Variants in SLIT2 observed in about 807,000 individuals in gnomAD.
SLIT2 encodes slit homolog 2 protein.
SLIT2 carries 41 observed loss-of-function variants against 185.7 expected under a neutral mutation model. That is an observed-to-expected ratio of 0.22 (90% CI 0.17 to 0.29). The LOEUF is 0.29. SLIT2 is among the 10% of genes least tolerant of loss of function. The pLI is 1.00. For missense variants in SLIT2, 1,571 were observed against 1,909.0 expected, an observed-to-expected ratio of 0.82 and a Z score of 3.30; for synonymous variants, 693 against 680.2, an observed-to-expected ratio of 1.02 and a Z score of -0.29.
chr4:20,333,340 T>C (rs1367340068), intron 4 of SLIT2, among the ~76,000 whole-genome samples: 2 of 152,166 alleles, frequency 1.3e-5, no homozygotes, highest in East Asian at 3.8e-4. Flanking sequence ...TTGGGTGAAA[T>C]AAATCTCAAG....
At position 20,334,838 on chromosome 4, in the gene SLIT2, A is replaced by C. The variant is rs568618818; in HGVS notation, c.395+65957A>C. Among the ~76,000 whole-genome samples, 54 of 152,326 alleles carry C rather than the reference A, an allele frequency of 3.5e-4. No homozygotes were observed. The South Asian group carries it at 0.011, about 30-fold the overall frequency. On this transcript the variant is annotated intron_variant, in intron 4 of 36. Coordinates refer to ENST00000504154, the MANE Select transcript of SLIT2 (RefSeq NM_004787.4). Reference sequence around the variant, plus strand: ...CCTCAGTTTCCTCATGTGTAAAATTAGGATGATAAAACCTCATAGAATAGA... The same window carrying C: ...CCTCAGTTTCCTCATGTGTAAAATTCGGATGATAAAACCTCATAGAATAGA...
intron 9 of SLIT2, among the ~76,000 whole-genome samples, chr4:20,502,386 A>G (rs1294958130): frequency 6.6e-6 from 1 of 152,198 alleles, no homozygotes; most frequent in African/African-American, 2.4e-5. Context: ...CTACATACTC[A>G]ACAAAGATTT....
At chr4:20,467,993 A>G (rs941641069) in intron 5 of SLIT2, among the ~76,000 whole-genome samples, 170 bp downstream of exon 5, 6 of 152,228 alleles carry the variant, frequency 3.9e-5, no homozygotes, top group South Asian at 2.1e-4. Context: ...AAGCTGTTTG[A>G]CGAGATGCTC....
At chr4:20,256,565 A>G (rs564861388) in intron 1 of SLIT2, 107 bp from the exon 2 acceptor site, 2 of 614,610 alleles carry the variant, frequency 3.3e-6, no homozygotes, top group Admixed American at 3.0e-5. Context: ...TTTGTATACT[A>G]CTTTAGTAAT....
At chr4:20,576,821 T>G (rs1726120549) in intron 29 of SLIT2, among the ~76,000 whole-genome samples, 1 of 152,226 alleles carries the variant, frequency 6.6e-6, no homozygotes, top group East Asian at 1.9e-4. Flanking sequence ...GCAAGTCTTA[T>G]TCAATCTAAT....
chr4:20,590,184 C>T (rs1247318151), intron 30 of SLIT2, among the ~76,000 whole-genome samples: 2 of 152,094 alleles, frequency 1.3e-5, no homozygotes, highest in Non-Finnish European at 2.9e-5. Context: ...GGATTACAGG[C>T]GTGAGCCACC....
At chr4:20,540,269 C>T (rs1006529238) in intron 19 of SLIT2, among the ~76,000 whole-genome samples, 2 of 148,388 alleles carry the variant, frequency 1.3e-5, no homozygotes, top group Non-Finnish European at 1.5e-5. Flanking sequence ...GCCTGTATGA[C>T]AGAGCGAGAC....
At chr4:20,431,517 C>T (rs116472127) in intron 4 of SLIT2, among the ~76,000 whole-genome samples, 143 of 152,228 alleles carry the variant, frequency 9.4e-4, no homozygotes, top group African/African-American at 3.3e-3. Context: ...TCTTTAACAT[C>T]GACTCTGACT....
intron 4 of SLIT2, among the ~76,000 whole-genome samples, chr4:20,364,748 C>A (rs532502029): frequency 2.6e-4 from 40 of 152,086 alleles, no homozygotes; most frequent in African/African-American, 9.4e-4. Flanking sequence ...ATTTTAAACC[C>A]AATTCTTAAC....
At chr4:20,420,315 G>A (rs777625011) in intron 4 of SLIT2, among the ~76,000 whole-genome samples, 65 of 152,228 alleles carry the variant, frequency 4.3e-4, no homozygotes, top group Middle Eastern at 6.8e-3. Flanking sequence ...AGAAGCCTTT[G>A]AGAATCATGT....
chr4:20,432,966 A>G (rs1362434704), intron 4 of SLIT2, among the ~76,000 whole-genome samples: 1 of 152,112 alleles, frequency 6.6e-6, no homozygotes, highest in Non-Finnish European at 1.5e-5. Context: ...TTTCCTTCAT[A>G]GCCACATTAC....
At chr4:20,318,663 T>C (rs1718800484) in intron 4 of SLIT2, among the ~76,000 whole-genome samples, 1 of 152,050 alleles carries the variant, frequency 6.6e-6, no homozygotes, top group African/African-American at 2.4e-5. Context: ...CAGTTCAGGC[T>C]ACTTGGATAA....
chr4:20,342,927 T>A (rs1384395750), intron 4 of SLIT2, among the ~76,000 whole-genome samples: 1 of 151,908 alleles, frequency 6.6e-6, no homozygotes, highest in Non-Finnish European at 1.5e-5. Context: ...CTTTCTTTTT[T>A]TCTTTCATTC....
rs186936605 is a variant in SLIT2 at position 20,283,919 on chromosome 4, A to G, written c.395+15038A>G. ...CCCTCCCATTCCCCTTCCCTGATCT[A>G]TTCTTCTCCTTTGGTTTCCATACCA... On this transcript the variant is annotated intron_variant, in intron 4 of 36. Transcript: ENST00000504154. Among the ~76,000 whole-genome samples the G allele has an allele frequency of 2.5e-3, 373 of 152,170 alleles. 2 individuals carry two copies. Among genetic ancestry groups the G allele is most frequent in the Middle Eastern group, 0.024 (7 of 294 alleles).
chr4:20,425,685 C>T (rs1044711518), intron 4 of SLIT2, among the ~76,000 whole-genome samples: 2 of 152,118 alleles, frequency 1.3e-5, no homozygotes, highest in African/African-American at 2.4e-5. Flanking sequence ...ATAGAAATTC[C>T]TTTTAGTGAG....
In SLIT2 at chr4:20,619,229, A is replaced by G. The variant is rs1729915600; in HGVS notation, c.*220A>G. 3 of 471,032 alleles carry G rather than the reference A, an allele frequency of 6.4e-6. No homozygotes were observed. The Admixed American group carries it at 1.1e-4, about 17-fold the overall frequency. The allele number at this position is 471,032 out of a possible 1,614,324, so 29.2% of individuals were successfully genotyped here. A position where few individuals can be genotyped will look rare whatever the true frequency, so the allele number is the denominator to read the frequency against. ...CTATGCTGGAGAAGTATGAAGAAAG[A>G]TATACCTGGAGACATTAGAACAGCG... On this transcript the variant is annotated 3_prime_UTR_variant, in exon 37 of 37. Transcript: ENST00000504154.
intron 26 of SLIT2, among the ~76,000 whole-genome samples, chr4:20,555,391 G>T (rs1252036759): frequency 2.0e-5 from 3 of 152,082 alleles, no homozygotes; most frequent in East Asian, 1.9e-4. Flanking sequence ...TCACTTTTTG[G>T]TAAGAGTTAA....
rs184858466 is a variant in SLIT2, at chr4:20,375,856, T to C, written c.396-91896T>C. Among the ~76,000 whole-genome samples the C allele has an allele frequency of 2.5e-3, 373 of 152,206 alleles. 2 individuals carry two copies. Among genetic ancestry groups the C allele is most frequent in the Middle Eastern group, 6.8e-3 (2 of 292 alleles). On this transcript the variant is annotated intron_variant, in intron 4 of 36. Transcript: ENST00000504154. ...ATGTGCTTTCATTTTAAAAATATTT[T>C]ATATCACTGTTCTTCAAATATTGAA...
chr4:20,383,937 C>G (rs886682435), intron 4 of SLIT2, among the ~76,000 whole-genome samples: 1 of 152,066 alleles, frequency 6.6e-6, no homozygotes, highest in African/African-American at 2.4e-5. Context: ...AACTCCTGAC[C>G]TCAAGTGATC....
Sources: allele counts gnomAD v4.1 joint callset (sites outside exome capture counted in the v4.1 genomes callset), GRCh38; gene constraint gnomAD v4.1.1; transcripts MANE v1.5; gene names NCBI Gene and HGNC (gene_info 2026-07-23, HGNC 2026-07-21).